Variants in MAP3K13 observed in about 807,000 individuals in gnomAD.
MAP3K13 encodes the protein leucine zipper-bearing kinase.
Under a neutral mutation model 104.0 loss-of-function variants are expected in MAP3K13, and 52 were observed. That is an observed-to-expected ratio of 0.50 (90% CI 0.40 to 0.63). MAP3K13 has a LOEUF of 0.63. Ranked by LOEUF, MAP3K13 falls within the 20% of genes least tolerant of loss-of-function variation. The pLI, the probability that MAP3K13 is intolerant of heterozygous loss-of-function variation, is 0.00. For synonymous variants in MAP3K13, 394 were observed against 442.2 expected, an observed-to-expected ratio of 0.89 and a Z score of 1.37; for missense variants, 914 against 1,218.5, an observed-to-expected ratio of 0.75 and a Z score of 3.72.
At chr3:185,409,682 C>T (rs142712510) in intron 1 of MAP3K13, among the ~76,000 whole-genome samples, 64 of 152,210 alleles carry the variant, frequency 4.2e-4, no homozygotes, top group Non-Finnish European at 8.1e-4. Flanking sequence ...ATATCTGCAC[C>T]CCTATGTTTA....
chr3:185,429,402 T>A (rs1714619433), intron 2 of MAP3K13, among the ~76,000 whole-genome samples: 2 of 152,230 alleles, frequency 1.3e-5, no homozygotes, highest in South Asian at 4.1e-4. Flanking sequence ...ATATTTCATA[T>A]TTTAATATAG....
chr3:185,408,429 G>A lies in MAP3K13; in HGVS notation c.-85-20068G>A, dbSNP rs1488842671. ...TCCTCTAAAAGTACAAAAATTAGCC[G>A]GGCATGGTGGCGCATGCCTGTGATC... On this transcript the variant is annotated intron_variant, in intron 1 of 13. Transcript: ENST00000265026. Among the ~76,000 whole-genome samples the A allele has an allele frequency of 7.9e-5, 12 of 151,904 alleles. No individual in the cohort carries two copies. The East Asian group carries it at 9.7e-4, about 12-fold the overall frequency.
chr3:185,399,672 A>G (rs1390206998), intron 1 of MAP3K13, among the ~76,000 whole-genome samples: 1 of 51,460 alleles, frequency 1.9e-5, no homozygotes. Context: ...GGAAGGAAGG[A>G]AGGAAGGAAG....
At chr3:185,329,893 CTTT>C (rs71162293) in intron 2 of MAP3K13, among the ~76,000 whole-genome samples, 19 of 104,672 alleles carry the variant, frequency 1.8e-4, no homozygotes, top group South Asian at 6.7e-4. Flanking sequence ...AGCCAGTAGC[CTTT>C]TTTTTTTTTT....
At chr3:185,338,981 T>C (rs1264966731) in intron 2 of MAP3K13, among the ~76,000 whole-genome samples, 10 of 151,988 alleles carry the variant, frequency 6.6e-5, no homozygotes, top group African/African-American at 2.4e-4. Flanking sequence ...AACAAAATAG[T>C]GTGGTATATG....
At chr3:185,472,137 T>C (rs899082851) in intron 10 of MAP3K13, among the ~76,000 whole-genome samples, 5 of 152,088 alleles carry the variant, frequency 3.3e-5, no homozygotes, top group African/African-American at 9.7e-5. Flanking sequence ...TGAATTTTTT[T>C]CCTCACAAAT....
chr3:185,455,560 A>G (rs1268948972), intron 7 of MAP3K13, among the ~76,000 whole-genome samples: 1 of 40,586 alleles, frequency 2.5e-5, no homozygotes, highest in South Asian at 9.7e-4. Flanking sequence ...TATGATATAT[A>G]TGAGATATAT....
At chr3:185,467,096 G>A (rs2148918034) in intron 10 of MAP3K13, 133 bp downstream of exon 10, 1 of 906,804 alleles carries the variant, frequency 1.1e-6, no homozygotes, top group Non-Finnish European at 1.7e-6. Context: ...AGTACTCTAG[G>A]TAAAACAGAG....
At chr3:185,455,239 TATATATGATATATATGAG>T (rs1716424299) in intron 7 of MAP3K13, among the ~76,000 whole-genome samples, 2 of 34,904 alleles carry the variant, frequency 5.7e-5, no homozygotes, top group Non-Finnish European at 1.4e-4. Context: ...ATATGAGATA[TATATATGATATATATGAG>T]ATATATGAGA....
At chr3:185,362,277 T>C (rs1168639960), upstream of MAP3K13, among the ~76,000 whole-genome samples, 1 of 152,212 alleles carries the variant, frequency 6.6e-6, no homozygotes, top group African/African-American at 2.4e-5. Flanking sequence ...ATCTCCAATT[T>C]TGTATAACTG....
At chr3:185,354,092 G>A (rs897664025) in intron 2 of MAP3K13, among the ~76,000 whole-genome samples, 2 of 152,010 alleles carry the variant, frequency 1.3e-5, no homozygotes, top group Admixed American at 6.5e-5. Flanking sequence ...CGTAAGTATC[G>A]GCTATCATCT....
upstream of MAP3K13, among the ~76,000 whole-genome samples, chr3:185,359,888 G>A (rs73052886): frequency 0.016 from 2,489 of 151,274 alleles, 74 homozygotes; most frequent in African/African-American, 0.057. Flanking sequence ...TTTGGACTTC[G>A]ATTCTGGCTT....
chr3:185,429,818 G>C (rs1714642328), intron 2 of MAP3K13, among the ~76,000 whole-genome samples: 2 of 152,052 alleles, frequency 1.3e-5, no homozygotes, highest in Non-Finnish European at 2.9e-5. Context: ...TACAATAAAG[G>C]CATAGAAAGC....
rs1422857669 is a variant in MAP3K13, at chr3:185,463,604, A to G, written c.1333A>G (p.Thr445Ala). 1.2e-6 allele frequency: 2 copies of G among 1,613,106 alleles called. No homozygotes were observed. Among genetic ancestry groups the G allele is most frequent in the Non-Finnish European group, 1.7e-6 (2 of 1,179,290 alleles). Residue 445 changes from threonine (T) to alanine (A), a missense_variant, in exon 8 of 14, where the codon ACT becomes GCT. By Grantham distance (58) the Thr-to-Ala change is moderately conservative (BLOSUM62 0). This residue lies in a region of MAP3K13 where 583 missense variants were observed against 737.4 expected (regional missense o/e 0.79). Transcript: ENST00000265026. ...KHFEKIKSEGTCIHRLDEELI... is the reference protein window; with the variant it reads ...KHFEKIKSEGACIHRLDEELI... ...TTTTGAGAAGATCAAAAGTGAAGGA[A>G]CTTGTATACACCGGTTAGATGAAGA...
intron 2 of MAP3K13, among the ~76,000 whole-genome samples, chr3:185,327,201 G>A (rs1207102178): frequency 4.6e-5 from 7 of 152,090 alleles, no homozygotes; most frequent in Admixed American, 2.0e-4. Context: ...CGAAGCCAGC[G>A]AGAGCTAGTC....
At chr3:185,474,155 T>A (rs1017331649) in intron 11 of MAP3K13, among the ~76,000 whole-genome samples, 2 of 151,986 alleles carry the variant, frequency 1.3e-5, no homozygotes, top group Non-Finnish European at 2.9e-5. Flanking sequence ...AAACCCTGTC[T>A]CTACTAAAAA....
chr3:185,395,075 CT>C (rs1183358368), intron 1 of MAP3K13, among the ~76,000 whole-genome samples: 12 of 152,212 alleles, frequency 7.9e-5, no homozygotes, highest in African/African-American at 2.9e-4. Flanking sequence ...TAGTACTGAT[CT>C]CCTTTGCTTA....
At chr3:185,420,895 C>T (rs1322582266) in intron 1 of MAP3K13, among the ~76,000 whole-genome samples, 1 of 152,218 alleles carries the variant, frequency 6.6e-6, no homozygotes, top group African/African-American at 2.4e-5. Flanking sequence ...TGGCACAAAA[C>T]CAAGGTAATT....
intron 2 of MAP3K13, among the ~76,000 whole-genome samples, chr3:185,356,340 G>A (rs985734442): frequency 2.0e-5 from 3 of 152,166 alleles, no homozygotes; most frequent in Non-Finnish European, 4.4e-5. Flanking sequence ...GTACTCTTTT[G>A]GCTGCAAGTG....
Sources: allele counts gnomAD v4.1 joint callset (sites outside exome capture counted in the v4.1 genomes callset), GRCh38; gene constraint gnomAD v4.1.1; regional missense constraint gnomAD v4.1.1; transcripts MANE v1.5; gene names NCBI Gene and HGNC (gene_info 2026-07-23, HGNC 2026-07-21).